GTF3C3: variants seen among roughly 807,000 people sequenced by gnomAD.
The protein encoded by GTF3C3 is general transcription factor IIIC subunit 3.
In GTF3C3, 75 loss-of-function variants were observed where a neutral mutation model predicts 105.2. The ratio of observed to expected loss-of-function variants is 0.71; its 90% CI spans 0.59 to 0.86. GTF3C3 has a LOEUF of 0.86. Among genes scored for constraint, GTF3C3 ranks in the 40% least tolerant of loss-of-function variants. GTF3C3 has a pLI of 0.00. For synonymous variants in GTF3C3, 335 were observed against 370.4 expected (o/e 0.90, Z 1.10); for missense variants, 856 against 1,076.5 (o/e 0.80, Z 2.87).
intron 8 of GTF3C3, 116 bp from the exon 9 acceptor site, chr2:196,780,778 G>A (rs1699336445): frequency 2.4e-6 from 3 of 1,274,284 alleles, no homozygotes; most frequent in Non-Finnish European, 3.2e-6. Context: ...AATTCTTAGT[G>A]TGGCCAACTC....
At chr2:196,782,451 G>A (rs1046451971) in intron 8 of GTF3C3, among the ~76,000 whole-genome samples, 8 of 152,074 alleles carry the variant, frequency 5.3e-5, no homozygotes, top group African/African-American at 1.4e-4. Context: ...TTTATATCTC[G>A]GCATAGGCCT....
At chr2:196,781,353 AAAAAATAT>A (rs1301852596) in intron 8 of GTF3C3, among the ~76,000 whole-genome samples, 2 of 23,142 alleles carry the variant, frequency 8.6e-5, no homozygotes, top group Non-Finnish European at 2.5e-4. Context: ...AAAAAAAAAA[AAAAAATAT>A]ATATATATAT....
At position 196,771,941 on chromosome 2, in the gene GTF3C3, A is replaced by G. The variant is rs761861407; in HGVS notation, c.2070-3T>C. The G allele has an allele frequency of 3.7e-6, 6 of 1,603,896 alleles. No individual in the cohort carries two copies. In the South Asian group the frequency reaches 6.6e-5, roughly 18 times the overall value. On this transcript the variant is annotated splice_polypyrimidine_tract_variant and splice_region_variant and intron_variant, in intron 14 of 17. Coordinates refer to ENST00000263956, the MANE Select transcript of GTF3C3 (RefSeq NM_012086.5). ...TGACATTTTCCATTACCATTATCCT[A>G]AAATTGCAGGAAGAGGGTGAGGGAG... is the stretch of plus-strand genomic sequence containing the variant.
At chr2:196,777,568 CT>C (rs1190603505) in intron 10 of GTF3C3, 1 of 152,136 alleles carries the variant, frequency 6.6e-6, no homozygotes, top group Non-Finnish European at 1.5e-5. Context: ...TGACCATCAT[CT>C]TTAGGTTAAA....
intron 6 of GTF3C3, among the ~76,000 whole-genome samples, chr2:196,788,965 G>C (rs557908255): frequency 6.6e-6 from 1 of 152,164 alleles, no homozygotes; most frequent in South Asian, 2.1e-4. Context: ...TATTTGGGAG[G>C]CTGGGTGAGA....
chr2:196,775,141 T>C lies in GTF3C3; in HGVS notation c.1806A>G (p.Gln602=). 1 of 1,613,126 alleles carries C rather than the reference T, an allele frequency of 6.2e-7. No individual in the cohort carries two copies. Among genetic ancestry groups the C allele is most frequent in the Non-Finnish European group, 8.5e-7 (1 of 1,179,322 alleles). Residue 602 remains glutamine (Q), a synonymous_variant, in exon 13 of 18, where the codon CAA becomes CAG. Transcript: ENST00000263956. ...CTTTTGCATCACAATTTGCTGACTC[T>C]TGGTCATTGCTGTCTGATATTTTGT... The part of the protein sequence containing the change: ...SRDKISDSND[Q]ESANCDAKAI...
chr2:196,787,776 G>C (rs1481628676), intron 6 of GTF3C3, among the ~76,000 whole-genome samples: 2 of 152,090 alleles, frequency 1.3e-5, no homozygotes, highest in Non-Finnish European at 2.9e-5. Context: ...ACAAGAGTAG[G>C]GGATTTTTAA....
At chr2:196,797,515 G>C (rs1281596069) in intron 2 of GTF3C3, among the ~76,000 whole-genome samples, 2 of 152,204 alleles carry the variant, frequency 1.3e-5, no homozygotes, top group Non-Finnish European at 1.5e-5. Context: ...TACCAACTGA[G>C]AGGGCCAATT....
At chr2:196,785,392 C>T in intron 7 of GTF3C3, 49 bp downstream of exon 7, 1 of 1,437,696 alleles carries the variant, frequency 7.0e-7, no homozygotes, top group Non-Finnish European at 9.3e-7. Flanking sequence ...ATTTCCAGAA[C>T]ACAGAAACAC....
At chr2:196,772,866 GTACTT>G (rs778019928) in intron 14 of GTF3C3, 45 bp downstream of exon 14, 1 of 925,388 alleles carries the variant, frequency 1.1e-6, no homozygotes, top group Non-Finnish European at 1.7e-6. Context: ...CAAAGTACAT[GTACTT>G]ACTCTATTAA....
chr2:196,799,633 A>C lies in GTF3C3; in HGVS notation c.-22T>G. The C allele has an allele frequency of 6.5e-7, 1 of 1,528,340 alleles. No individual in the cohort carries two copies. The highest frequency in any genetic ancestry group is 1.4e-5 in the African/African-American group (1 of 73,228). 94.7% of individuals were successfully genotyped at this position (1,528,340 alleles called of 1,614,324 possible). A position where few individuals can be genotyped will look rare whatever the true frequency, so the allele number is the denominator to read the frequency against. ...ACATGTTTACAGGGTCTGTCTGTGC[A>C]ACCCCAGGAACCGGGACAGAGAACC... On this transcript the variant is annotated 5_prime_UTR_variant, in exon 1 of 18. Transcript: ENST00000263956.
At chr2:196,798,754 C>T (rs1207091658) in intron 1 of GTF3C3, among the ~76,000 whole-genome samples, 1 of 146,506 alleles carries the variant, frequency 6.8e-6, no homozygotes, top group Non-Finnish European at 1.5e-5. Context: ...CCCAGCTACT[C>T]GGGAGGCTGA....
intron 17 of GTF3C3, among the ~76,000 whole-genome samples, chr2:196,766,278 C>T (rs1439510089): frequency 6.6e-6 from 1 of 152,068 alleles, no homozygotes; most frequent in East Asian, 1.9e-4. Context: ...ATATTCTTCA[C>T]TATTCAGAGG....
In GTF3C3 at chr2:196,784,948, AGAAAG is replaced by A. The variant is rs747519346; in HGVS notation, c.1042-24_1042-20del. On this transcript the variant is annotated intron_variant, in intron 7 of 17. Coordinates refer to ENST00000263956, the MANE Select transcript of GTF3C3 (RefSeq NM_012086.5). ...TAATTATCTAAAAGAATGGGAAAGA[AGAAAG>A]GAAATAAAATATGTGTGAAAAACCA... The A allele has an allele frequency of 4.6e-6, 7 of 1,508,826 alleles. No homozygotes were observed. Among genetic ancestry groups the A allele is most frequent in the Non-Finnish European group, 6.4e-6 (7 of 1,089,464 alleles). 93.5% of individuals were successfully genotyped at this position (1,508,826 alleles called of 1,614,324 possible). A position where few individuals can be genotyped will look rare whatever the true frequency, so the allele number is the denominator to read the frequency against.
intron 9 of GTF3C3, among the ~76,000 whole-genome samples, chr2:196,779,363 AG>A (rs1559300699): frequency 6.6e-6 from 1 of 152,066 alleles, no homozygotes; most frequent in Non-Finnish European, 1.5e-5. Flanking sequence ...CCTGGCCTCA[AG>A]TGATCTACCC....
rs1437055167 is a variant in GTF3C3 at position 196,776,923 on chromosome 2, CTG to C, written c.1391-296_1391-295del. 5.3e-5 allele frequency among the ~76,000 whole-genome samples: 8 copies of C among 152,066 alleles called. No homozygotes were observed. The highest frequency in any genetic ancestry group is 1.2e-4 in the African/African-American group (5 of 41,404). On this transcript the variant is annotated intron_variant, in intron 10 of 17. Coordinates refer to ENST00000263956, the MANE Select transcript of GTF3C3 (RefSeq NM_012086.5). This position sits in a 1 kb window ranked among gnomAD's most constrained non-coding sequence, Gnocchi z 4.5. ...CATTTTGAATGGTTACATAATCAAA[CTG>C]ATTATGTAATTATATCATTTGCCAT...
At chr2:196,775,029 T>C in intron 13 of GTF3C3, 87 bp downstream of exon 13, 1 of 878,624 alleles carries the variant, frequency 1.1e-6, no homozygotes, top group Non-Finnish European at 1.7e-6. Flanking sequence ...AAGTATATTT[T>C]CAATTAGATT....
Position 196,773,142 on chromosome 2 carries a change from C to T in GTF3C3, c.1843G>A (p.Val615Met). 6.3e-7 allele frequency: 1 copy of T among 1,591,144 alleles called. No individual in the cohort carries two copies. The highest frequency in any genetic ancestry group is 8.6e-7 in the Non-Finnish European group (1 of 1,165,954). The part of the protein sequence containing the change: ...ANCDAKAIFA[V>M]LTSVLTKDDW... Reference sequence around the variant, plus strand: ...TCCTTTGTCAAGACGCTTGTGAGCACAGCAAATATTGCTAAAATGAGACCA... The same window carrying T: ...TCCTTTGTCAAGACGCTTGTGAGCATAGCAAATATTGCTAAAATGAGACCA... Residue 615 changes from valine (V) to methionine (M), a missense_variant, in exon 14 of 18, where the codon GTG becomes ATG. Val to Met is a conservative substitution (Grantham distance 21). Transcript: ENST00000263956.
intron 2 of GTF3C3, 35 bp from the exon 3 acceptor site, chr2:196,793,187 G>A (rs879088678): frequency 7.1e-7 from 1 of 1,398,758 alleles, no homozygotes; most frequent in African/African-American, 1.4e-5. Flanking sequence ...GAGGGGTGGG[G>A]AAGCTGCAGA....
Sources: gnomAD v4.1 joint callset for allele counts (sites outside exome capture counted in the v4.1 genomes callset) on GRCh38, gnomAD v4.1.1 for gene constraint, Gnocchi (gnomAD v3.1) non-coding constraint, MANE v1.5 for transcripts, NCBI Gene and HGNC (gene_info 2026-07-23, HGNC 2026-07-21) for gene names.